The following TOR1AIP1 variants were observed in gnomAD, a reference collection of about 807,000 sequenced individuals.
The protein encoded by TOR1AIP1 is torsin-1A-interacting protein 1.
In TOR1AIP1, 54 loss-of-function variants were observed where a neutral mutation model predicts 63.3. The observed-to-expected ratio is 0.85, with a 90% CI of 0.69 to 1.07. The LOEUF (loss-of-function observed/expected upper bound fraction) is 1.07. TOR1AIP1 is among the 50% of genes least tolerant of loss of function. TOR1AIP1 has a pLI of 0.00. For synonymous variants in TOR1AIP1, 294 were observed against 273.5 expected, an observed-to-expected ratio of 1.07 and a Z score of -0.74; for missense variants, 736 against 715.0, an observed-to-expected ratio of 1.03 and a Z score of -0.33.
intron 3 of TOR1AIP1, among the ~76,000 whole-genome samples, chr1:179,895,425 G>A (rs1648232944): frequency 6.6e-6 from 1 of 152,018 alleles, no homozygotes. Flanking sequence ...TGGGCAATGT[G>A]GCGAAACCTC....
chr1:179,892,093 A>G (rs755532358), intron 3 of TOR1AIP1, among the ~76,000 whole-genome samples: 15 of 152,338 alleles, frequency 9.8e-5, no homozygotes, highest in African/African-American at 3.6e-4. Flanking sequence ...CCAAAAGGGA[A>G]ACGCTTCATT....
chr1:179,917,788 C>T lies in TOR1AIP1; in HGVS notation c.1301C>T (p.Ser434Phe). Residue 434 changes from serine (S) to phenylalanine (F), a missense_variant, in exon 10 of 10, where the codon TCT (serine) becomes TTT (phenylalanine). By Grantham distance (155) the Ser-to-Phe change is radical. This residue lies in a region of TOR1AIP1 where 272 missense variants were observed against 344.1 expected (regional missense o/e 0.79). Coordinates refer to ENST00000606911, the MANE Select transcript of TOR1AIP1 (RefSeq NM_015602.4). Reference sequence around the variant, plus strand: ...AGTGAACAAATTGCTGATGCCTATTCTTCTTTTCGTAGTGTCCGTGCCATC... The same window carrying T: ...AGTGAACAAATTGCTGATGCCTATTTTTCTTTTCGTAGTGTCCGTGCCATC... ...CLSEQIADAY[S>F]SFRSVRAIRI... The T allele has an allele frequency of 6.2e-7, 1 of 1,614,164 alleles. No individual in the cohort carries two copies. The highest frequency in any genetic ancestry group is 8.5e-7 in the Non-Finnish European group (1 of 1,180,024).
chr1:179,891,783 C>G (rs1468147823), intron 3 of TOR1AIP1, among the ~76,000 whole-genome samples: 2 of 151,946 alleles, frequency 1.3e-5, no homozygotes, highest in African/African-American at 2.4e-5. Context: ...TCAGGCTGGT[C>G]TCGAACTCCT....
Position 179,917,516 on chromosome 1 carries a change from G to C in TOR1AIP1, c.1029G>C (p.Leu343=), listed in dbSNP as rs1038776896. 3.1e-6 allele frequency: 5 copies of C among 1,613,930 alleles called. No homozygotes were observed. The highest frequency in any genetic ancestry group is 4.2e-6 in the Non-Finnish European group (5 of 1,180,016). Residue 343 remains leucine (L), a synonymous_variant, in exon 10 of 10, where the codon CTG becomes CTC. Transcript: ENST00000606911. The part of the protein sequence containing the change: ...VKRNRWWLLP[L]IAALASGSFW... ...GGAACCGGTGGTGGCTACTTCCTCTGATAGCTGCTCTTGCCTCTGGGAGTT... is the reference window on the plus strand; with the variant it reads ...GGAACCGGTGGTGGCTACTTCCTCTCATAGCTGCTCTTGCCTCTGGGAGTT...
chr1:179,905,919 C>G (rs1365774859), intron 6 of TOR1AIP1, among the ~76,000 whole-genome samples: 2 of 152,076 alleles, frequency 1.3e-5, no homozygotes, highest in African/African-American at 4.8e-5. Flanking sequence ...CACCACTGCA[C>G]TCCAGCCTGG....
chr1:179,891,168 A>G (rs1648065138), intron 3 of TOR1AIP1, among the ~76,000 whole-genome samples: 2 of 152,140 alleles, frequency 1.3e-5, no homozygotes, highest in Non-Finnish European at 2.9e-5. Flanking sequence ...AATTCACACT[A>G]TTAGGAAAAA....
At position 179,917,866 on chromosome 1, in the gene TOR1AIP1, A is replaced by G. The variant is rs1649070198; in HGVS notation, c.1379A>G (p.Glu460Gly). 1 of 1,614,104 alleles carries G rather than the reference A, an allele frequency of 6.2e-7. No homozygotes were observed. The highest frequency in any genetic ancestry group is 8.5e-7 in the Non-Finnish European group (1 of 1,180,056). The change falls in exon 10 of 10, where the codon GAG becomes GGG. Residue 460 changes from glutamate to glycine, a missense_variant. This residue lies in a region of TOR1AIP1 where 272 missense variants were observed against 344.1 expected (regional missense o/e 0.79). Transcript: ENST00000606911. ...CAAGACAGTGATACTGTCAAACTAG[A>G]GGTAGACCAAGAACTGAGCAATGGA... ...ATQDSDTVKL[E>G]VDQELSNGFK... is the part of the protein sequence containing the mutation.
rs1387769138 is a variant in TOR1AIP1 at position 179,882,420 on chromosome 1, C to G, written c.-83C>G. On this transcript the variant is annotated 5_prime_UTR_variant, in exon 1 of 10. Coordinates refer to ENST00000606911, the MANE Select transcript of TOR1AIP1 (RefSeq NM_015602.4). Reference sequence around the variant, plus strand: ...CACAGCGGCCACCGCCCAACACCCCCGAGAAGCCATCGCCACCACCGGCAG... The same window carrying G: ...CACAGCGGCCACCGCCCAACACCCCGGAGAAGCCATCGCCACCACCGGCAG... 7.5e-7 allele frequency: 1 copy of G among 1,330,272 alleles called. No homozygotes were observed. Among genetic ancestry groups the G allele is most frequent in the Non-Finnish European group, 9.8e-7 (1 of 1,023,114 alleles). The allele number at this position is 1,330,272 out of a possible 1,614,324, so 82.4% of individuals were successfully genotyped here. A position where few individuals can be genotyped will look rare whatever the true frequency, so the allele number is the denominator to read the frequency against.
intron 3 of TOR1AIP1, among the ~76,000 whole-genome samples, chr1:179,899,629 G>A (rs1048483599): frequency 2.0e-5 from 3 of 152,114 alleles, no homozygotes; most frequent in Non-Finnish European, 4.4e-5. Flanking sequence ...TGTGACTGAA[G>A]GAAAATTAAA....
In TOR1AIP1 at chr1:179,882,355, G is replaced by C. The variant is rs1018100631; in HGVS notation, c.-148G>C. On this transcript the variant is annotated 5_prime_UTR_variant, in exon 1 of 10. Coordinates refer to ENST00000606911, the MANE Select transcript of TOR1AIP1 (RefSeq NM_015602.4). ...AGGTTTGCTACACAGCAGCGACGAC[G>C]CAGGCGGCGGCCCCAGCGACTCGCA... 8.2e-6 allele frequency: 6 copies of C among 729,670 alleles called. No homozygotes were observed. Among genetic ancestry groups the C allele is most frequent in the Non-Finnish European group, 8.0e-6 (4 of 497,894 alleles). 45.2% of individuals were successfully genotyped at this position (729,670 alleles called of 1,614,324 possible). A position where few individuals can be genotyped will look rare whatever the true frequency, so the allele number is the denominator to read the frequency against.
At chr1:179,893,757 A>C (rs968197879) in intron 3 of TOR1AIP1, among the ~76,000 whole-genome samples, 1 of 152,126 alleles carries the variant, frequency 6.6e-6, no homozygotes, top group Non-Finnish European at 1.5e-5. Flanking sequence ...TCTTAAAACT[A>C]TCTGTACCAG....
At chr1:179,913,438 T>G in intron 8 of TOR1AIP1, 1 of 592,868 alleles carries the variant, frequency 1.7e-6, no homozygotes, top group Non-Finnish European at 3.0e-6. Context: ...CTACTAGTAT[T>G]TGAAATGGTC....
chr1:179,893,133 T>A (rs1346020940), intron 3 of TOR1AIP1, among the ~76,000 whole-genome samples: 2 of 151,866 alleles, frequency 1.3e-5, no homozygotes, highest in African/African-American at 4.8e-5. Context: ...TCCCAGCTAC[T>A]TGGGAGGCTG....
intron 6 of TOR1AIP1, among the ~76,000 whole-genome samples, chr1:179,904,944 T>G (rs899810133): frequency 6.6e-6 from 1 of 152,200 alleles, no homozygotes; most frequent in African/African-American, 2.4e-5. Context: ...ATTTTGTTAC[T>G]ACTGTTTTTT....
intron 5 of TOR1AIP1, 57 bp from the exon 6 acceptor site, chr1:179,903,909 A>C: frequency 8.1e-7 from 1 of 1,242,158 alleles, no homozygotes; most frequent in Non-Finnish European, 1.1e-6. Context: ...TTGTCTTGTA[A>C]AATGTACAGT....
In TOR1AIP1 at chr1:179,882,772, C is replaced by G; in HGVS notation, c.270C>G (p.Phe90Leu). 6.2e-7 allele frequency: 1 copy of G among 1,614,198 alleles called. No homozygotes were observed. The highest frequency in any genetic ancestry group is 1.3e-5 in the African/African-American group (1 of 75,052). ...GAAAACGAACCCGGCTAGAAGAGTT[C>G]CGGTCCGATTCTGCGAAAGAGGAAG... is the stretch of plus-strand genomic sequence containing the variant. ...PVGKRTRLEE[F>L]RSDSAKEEVR... Residue 90 changes from phenylalanine (F) to leucine (L), a missense_variant, in exon 1 of 10, where the codon TTC becomes TTG. Physicochemically the swap from Phe to Leu is conservative, Grantham distance 22. Around this residue, in one of 2 missense-constraint regions of TOR1AIP1, gnomAD observed 464 missense variants for 371.0 expected, o/e 1.25. Transcript: ENST00000606911.
chr1:179,916,745 C>T (rs1649031418), intron 9 of TOR1AIP1, among the ~76,000 whole-genome samples: 1 of 129,464 alleles, frequency 7.7e-6, no homozygotes. Context: ...TCTCTGTCAC[C>T]CAGGCTGGAG....
chr1:179,896,909 T>C (rs1034101142), intron 3 of TOR1AIP1, among the ~76,000 whole-genome samples: 3 of 152,232 alleles, frequency 2.0e-5, no homozygotes, highest in African/African-American at 7.2e-5. Flanking sequence ...ATGAAAACCT[T>C]GTTTTAAAAT....
Position 179,917,142 on chromosome 1 carries a change from G to A in TOR1AIP1, c.965-310G>A, listed in dbSNP as rs565542615. ...TATTAGCAGTGAAAATAATAACTTCGCTTTATAAACTATTATTTTTCTGAC... is the reference window on the plus strand; with the variant it reads ...TATTAGCAGTGAAAATAATAACTTCACTTTATAAACTATTATTTTTCTGAC... On this transcript the variant is annotated intron_variant, in intron 9 of 9. Coordinates refer to ENST00000606911, the MANE Select transcript of TOR1AIP1 (RefSeq NM_015602.4). Among the ~76,000 whole-genome samples, 11 of 151,932 alleles carry A rather than the reference G, an allele frequency of 7.2e-5. No homozygotes were observed. The South Asian group carries it at 2.1e-3, about 29-fold the overall frequency.
Sources: gnomAD v4.1 joint callset for allele counts (sites outside exome capture counted in the v4.1 genomes callset) on GRCh38, gnomAD v4.1.1 for gene constraint, gnomAD v4.1.1 regional missense constraint, MANE v1.5 for transcripts, NCBI Gene and HGNC (gene_info 2026-07-23, HGNC 2026-07-21) for gene names.